The following TMEM131 variants were observed in gnomAD, a reference collection of about 807,000 sequenced individuals.
TMEM131 encodes transmembrane protein 131.
A neutral mutation model predicts 211.6 loss-of-function variants in TMEM131; 66 were observed. The observed-to-expected ratio is 0.31, with a 90% CI of 0.26 to 0.38. TMEM131 has a LOEUF of 0.38. TMEM131 is among the 10% of genes least tolerant of loss of function. TMEM131 has a pLI of 1.00. For synonymous variants in TMEM131, 844 were observed against 841.3 expected, an observed-to-expected ratio of 1.00 and a Z score of -0.06; for missense variants, 2,036 against 2,299.3, an observed-to-expected ratio of 0.89 and a Z score of 2.34.
At chr2:97,932,158 A>C (rs1677250818) in intron 1 of TMEM131, among the ~76,000 whole-genome samples, 2 of 151,794 alleles carry the variant, frequency 1.3e-5, no homozygotes, top group African/African-American at 4.8e-5. Context: ...AAAAAAAAAA[A>C]AGACACTGCT....
Position 97,812,701 on chromosome 2 carries a change from C to G in TMEM131, c.1666G>C (p.Val556Leu), listed in dbSNP as rs1282100105. The G allele has an allele frequency of 6.3e-7, 1 of 1,597,952 alleles. No homozygotes were observed. The highest frequency in any genetic ancestry group is 2.2e-5 in the East Asian group (1 of 44,740). ...KIEERFIDFG[V>L]LSATEASNIL... is the part of the protein sequence containing the mutation. ...TTACTTGCTTCTGTAGCACTCAGTA[C>G]TCCAAAATCTATGAAACGTTCCTCT... The change falls in exon 16 of 41, where the codon GTA becomes CTA. Residue 556 changes from valine to leucine, a missense_variant. By Grantham distance (32) the Val-to-Leu change is conservative. Transcript: ENST00000186436.
chr2:97,848,241 T>C (rs1474603296), intron 5 of TMEM131, among the ~76,000 whole-genome samples: 1 of 152,158 alleles, frequency 6.6e-6, no homozygotes, highest in Non-Finnish European at 1.5e-5. Flanking sequence ...CAGGAACCAA[T>C]GAATATCCAC....
At chr2:97,796,083 T>A (rs1397505932) in intron 28 of TMEM131, 135 bp downstream of exon 28, 1 of 543,486 alleles carries the variant, frequency 1.8e-6, no homozygotes. Flanking sequence ...AGAAATACCT[T>A]AGCCAAAGAT....
intron 1 of TMEM131, among the ~76,000 whole-genome samples, chr2:97,938,745 G>A (rs558788335): frequency 1.4e-4 from 22 of 152,176 alleles, no homozygotes; most frequent in South Asian, 4.1e-4. Context: ...GCACCACATC[G>A]CACTTATTCC....
intron 11 of TMEM131, among the ~76,000 whole-genome samples, chr2:97,828,784 A>G (rs1682517632): frequency 6.6e-6 from 1 of 152,134 alleles, no homozygotes; most frequent in Non-Finnish European, 1.5e-5. Context: ...CGCCTTTCAA[A>G]CTCTTTCAAT....
At chr2:97,900,147 G>A (rs972264763) in intron 3 of TMEM131, among the ~76,000 whole-genome samples, 4 of 152,108 alleles carry the variant, frequency 2.6e-5, no homozygotes, top group African/African-American at 9.7e-5. Flanking sequence ...TCTCTGAATT[G>A]TGTGGCTGAC....
chr2:97,859,399 CT>C lies in TMEM131; in HGVS notation c.387del (p.Val130SerfsTer14). 2 of 1,589,202 alleles carry C rather than the reference CT, an allele frequency of 1.3e-6. No homozygotes were observed. The highest frequency in any genetic ancestry group is 1.2e-5 in the South Asian group (1 of 85,286). The stretch of plus-strand genomic sequence containing the variant: ...TCAGAACTAGGATTATGTAAGTAGA[CT>C]TTTTCCATTTTTGGCATTCCAACTG... ...EQPVGMPKME[K>X]VYLHNPSSEE... On this transcript the variant is annotated frameshift_variant, in exon 5 of 41. Transcript: ENST00000186436. LOFTEE classifies it high-confidence loss of function.
chr2:97,985,668 T>C (rs1013076798), intron 1 of TMEM131, among the ~76,000 whole-genome samples: 2 of 148,980 alleles, frequency 1.3e-5, no homozygotes, highest in East Asian at 2.0e-4. Flanking sequence ...TACAAATGCA[T>C]AGACATATAC....
chr2:97,883,248 G>A (rs1032355524), intron 4 of TMEM131, among the ~76,000 whole-genome samples: 2 of 152,196 alleles, frequency 1.3e-5, no homozygotes, highest in African/African-American at 2.4e-5. Context: ...AGACTATAGC[G>A]AAGTTTGTTT....
rs1280115012 is a variant in TMEM131, at chr2:97,908,692, T to A, written c.256A>T (p.Thr86Ser). ...TGATATGAACTGAGTCCAAGTGTTG[T>A]CTCGGTCTGTAAAAGGAATAAAATA... ...FDDGGLLQTETTLGLSSYQQK... is the reference protein window; with the variant it reads ...FDDGGLLQTESTLGLSSYQQK... The change falls in exon 3 of 41, where the codon ACA becomes TCA. Residue 86 changes from threonine (T) to serine (S), a missense_variant. Thr to Ser is a moderately conservative substitution (Grantham distance 58). Coordinates refer to ENST00000186436, the MANE Select transcript of TMEM131 (RefSeq NM_015348.2). 6.2e-7 allele frequency: 1 copy of A among 1,603,692 alleles called. No homozygotes were observed. The highest frequency in any genetic ancestry group is 1.7e-5 in the Admixed American group (1 of 59,660).
At chr2:97,813,733 A>G (rs962449544) in intron 15 of TMEM131, among the ~76,000 whole-genome samples, 1 of 152,216 alleles carries the variant, frequency 6.6e-6, no homozygotes, top group Non-Finnish European at 1.5e-5. Context: ...GAGAAAGCAG[A>G]ATGTGGAAAA....
At chr2:97,856,972 A>AT (rs1422995139) in intron 5 of TMEM131, among the ~76,000 whole-genome samples, 5 of 152,200 alleles carry the variant, frequency 3.3e-5, no homozygotes, top group African/African-American at 1.2e-4. Context: ...CACAAAACAG[A>AT]TTGGTTAACT....
At chr2:97,931,546 AAAAT>A (rs1396641374) in intron 1 of TMEM131, among the ~76,000 whole-genome samples, 1 of 152,192 alleles carries the variant, frequency 6.6e-6, no homozygotes, top group Non-Finnish European at 1.5e-5. Flanking sequence ...TAATACATCT[AAAAT>A]AACTCATGAA....
rs908587391 is a variant in TMEM131 at position 97,968,837 on chromosome 2, C to T, written c.187+26639G>A. On this transcript the variant is annotated intron_variant, in intron 1 of 40. Transcript: ENST00000186436. The stretch of plus-strand genomic sequence containing the variant: ...CTGGTTCTTGCCTGTAATCCCAGCA[C>T]CTTGGGAGGCCAAAGTGGGAGGATG... Among the ~76,000 whole-genome samples, 3 of 152,174 alleles carry T rather than the reference C, an allele frequency of 2.0e-5. No individual in the cohort carries two copies. The East Asian group carries it at 5.8e-4, about 29-fold the overall frequency.
At chr2:97,825,154 G>C (rs1682315742) in intron 11 of TMEM131, among the ~76,000 whole-genome samples, 1 of 152,188 alleles carries the variant, frequency 6.6e-6, no homozygotes, top group African/African-American at 2.4e-5. Flanking sequence ...GCCCTCATCT[G>C]TTTGGTCAGG....
chr2:97,791,607 G>A (rs1470849078), intron 31 of TMEM131, among the ~76,000 whole-genome samples: 1 of 152,226 alleles, frequency 6.6e-6, no homozygotes, highest in Non-Finnish European at 1.5e-5. Context: ...ACCTTAAGAT[G>A]ACATCAGCCT....
intron 11 of TMEM131, among the ~76,000 whole-genome samples, chr2:97,822,898 G>A (rs1682198509): frequency 6.6e-6 from 1 of 152,092 alleles, no homozygotes; most frequent in Non-Finnish European, 1.5e-5. Flanking sequence ...CATAAACCCT[G>A]AAAAAGATGT....
intron 3 of TMEM131, among the ~76,000 whole-genome samples, chr2:97,904,763 A>C (rs1573537228): frequency 6.9e-6 from 1 of 145,006 alleles, no homozygotes; most frequent in Non-Finnish European, 1.5e-5. Context: ...TTAGTATTTC[A>C]TTCTATCTTC....
At chr2:97,921,022 G>C (rs1215172073) in intron 2 of TMEM131, among the ~76,000 whole-genome samples, 1 of 150,162 alleles carries the variant, frequency 6.7e-6, no homozygotes, top group Non-Finnish European at 1.5e-5. Flanking sequence ...TAATTGAAAA[G>C]ATACATATGG....
Sources: allele counts gnomAD v4.1 joint callset (sites outside exome capture counted in the v4.1 genomes callset), GRCh38; gene constraint gnomAD v4.1.1; transcripts MANE v1.5; gene names NCBI Gene and HGNC (gene_info 2026-07-23, HGNC 2026-07-21).